COL23A1: variants seen among roughly 807,000 people sequenced by gnomAD.
COL23A1 encodes collagen type XXIII alpha 1 chain.
In COL23A1, 97 loss-of-function variants were observed where a neutral mutation model predicts 99.3. The observed-to-expected ratio is 0.98, with a 90% CI of 0.83 to 1.16. The LOEUF is 1.16. Ranked by LOEUF, COL23A1 falls within the 50% of genes most tolerant of loss-of-function variation. The pLI, the probability that COL23A1 is intolerant of heterozygous loss-of-function variation, is 0.00. For missense variants in COL23A1, 762 were observed against 757.4 expected, an observed-to-expected ratio of 1.01 and a Z score of -0.07; for synonymous variants, 320 against 308.2, an observed-to-expected ratio of 1.04 and a Z score of -0.40.
chr5:178,420,481 G>T (rs970534795), intron 2 of COL23A1, among the ~76,000 whole-genome samples: 1 of 48,710 alleles, frequency 2.1e-5, no homozygotes, highest in Non-Finnish European at 3.6e-5. Context: ...CCCCTCCCCC[G>T]CTCTTTCCTC....
intron 2 of COL23A1, among the ~76,000 whole-genome samples, chr5:178,355,627 G>A (rs1195755829): frequency 6.6e-6 from 1 of 152,120 alleles, no homozygotes; most frequent in Admixed American, 6.5e-5. Flanking sequence ...CCGCCTCCTG[G>A]GTTCAAACAA....
intron 12 of COL23A1, 89 bp downstream of exon 12, chr5:178,259,632 T>C (rs1030118829): frequency 2.7e-4 from 133 of 501,176 alleles, no homozygotes; most frequent in East Asian, 4.0e-4. Flanking sequence ...CCCGTCCCCA[T>C]CCCCATCCCC....
chr5:178,496,928 C>T (rs576794727), intron 2 of COL23A1, among the ~76,000 whole-genome samples: 6 of 152,140 alleles, frequency 3.9e-5, no homozygotes, highest in African/African-American at 7.2e-5. Flanking sequence ...AACATGGGAG[C>T]GTGAGACCTG....
At chr5:178,267,355 A>G in intron 7 of COL23A1, 22 bp from the exon 8 acceptor site, 1 of 1,613,110 alleles carries the variant, frequency 6.2e-7, no homozygotes, top group Non-Finnish European at 8.5e-7. Flanking sequence ...AGACAGGGAG[A>G]GGCATCACCA....
chr5:178,435,724 G>A (rs934505719), intron 2 of COL23A1, among the ~76,000 whole-genome samples: 7 of 152,178 alleles, frequency 4.6e-5, no homozygotes, highest in Non-Finnish European at 8.8e-5. Context: ...TTTTGAAGCC[G>A]CAATTGCATG....
intron 2 of COL23A1, among the ~76,000 whole-genome samples, chr5:178,552,886 G>A (rs1395198722): frequency 6.6e-6 from 1 of 150,964 alleles, no homozygotes; most frequent in Non-Finnish European, 1.5e-5. Flanking sequence ...GCTAATTTTT[G>A]TATTTTTAGT....
chr5:178,490,602 G>C (rs1406649468), intron 2 of COL23A1, among the ~76,000 whole-genome samples: 2 of 151,560 alleles, frequency 1.3e-5, no homozygotes, highest in Non-Finnish European at 2.9e-5. Flanking sequence ...GGGCAACATA[G>C]TGAAAAAAAA....
chr5:178,421,565 A>C (rs1417467287), intron 2 of COL23A1, among the ~76,000 whole-genome samples: 1 of 152,030 alleles, frequency 6.6e-6, no homozygotes, highest in Non-Finnish European at 1.5e-5. Flanking sequence ...ACAGAAATTC[A>C]CTCCATTAAC....
intron 2 of COL23A1, chr5:178,442,962 C>A (rs1448978201): frequency 1.3e-5 from 2 of 152,268 alleles, no homozygotes; most frequent in African/African-American, 2.4e-5. Flanking sequence ...CGGTTTCCAG[C>A]ACCCCAGGCG....
chr5:178,562,479 C>T (rs1762623618), intron 1 of COL23A1: 2 of 152,910 alleles, frequency 1.3e-5, no homozygotes, highest in African/African-American at 2.5e-5. Context: ...GGCGTGAAAC[C>T]AGCAGGCGGA....
intron 2 of COL23A1, among the ~76,000 whole-genome samples, chr5:178,549,213 C>G (rs1012697629): frequency 2.6e-5 from 4 of 151,774 alleles, no homozygotes; most frequent in Non-Finnish European, 4.4e-5. Context: ...AGGCTGGTCT[C>G]GAACTCCTGA....
At chr5:178,536,376 G>A (rs550798510) in intron 2 of COL23A1, among the ~76,000 whole-genome samples, 10 of 152,352 alleles carry the variant, frequency 6.6e-5, no homozygotes, top group African/African-American at 1.4e-4. Flanking sequence ...CCACATCACC[G>A]GGAAACTCTA....
chr5:178,477,443 C>T (rs956854510), intron 2 of COL23A1, among the ~76,000 whole-genome samples: 2 of 152,174 alleles, frequency 1.3e-5, no homozygotes, highest in Non-Finnish European at 2.9e-5. Flanking sequence ...TGTAACCCAG[C>T]AATCCATCTT....
At chr5:178,509,252 C>CA (rs1363597859) in intron 2 of COL23A1, among the ~76,000 whole-genome samples, 3 of 147,840 alleles carry the variant, frequency 2.0e-5, no homozygotes, top group African/African-American at 7.5e-5. Context: ...GACAGAGTCT[C>CA]ACTCTGTTGC....
At position 178,313,058 on chromosome 5, in the gene COL23A1, G is replaced by A. The variant is rs1429320114; in HGVS notation, c.362-6139C>T. On this transcript the variant is annotated intron_variant, in intron 2 of 28. Coordinates refer to ENST00000390654, the MANE Select transcript of COL23A1 (RefSeq NM_173465.4). This position sits in a 1 kb window ranked among gnomAD's most constrained non-coding sequence, Gnocchi z 4.2. ...CGCACGCTGCAGCATGATGGGCCTG[G>A]AGGACGTCACGCGATGGGAAGTAAG... Among the ~76,000 whole-genome samples, 1 of 152,208 alleles carries A rather than the reference G, an allele frequency of 6.6e-6. No individual in the cohort carries two copies. Among genetic ancestry groups the A allele is most frequent in the African/African-American group, 2.4e-5 (1 of 41,458 alleles).
intron 2 of COL23A1, among the ~76,000 whole-genome samples, chr5:178,494,859 G>C (rs1245707575): frequency 6.6e-6 from 1 of 152,142 alleles, no homozygotes; most frequent in Non-Finnish European, 1.5e-5. Context: ...ATCGAGGTGG[G>C]CCACAGGGAA....
chr5:178,474,494 C>T (rs755077373), intron 2 of COL23A1, among the ~76,000 whole-genome samples: 3 of 150,884 alleles, frequency 2.0e-5, no homozygotes, highest in Non-Finnish European at 2.9e-5. Flanking sequence ...CTTCCTAAAA[C>T]ACAGTATCTT....
intron 1 of COL23A1, among the ~76,000 whole-genome samples, chr5:178,578,466 ACAGT>A (rs1327028087): frequency 2.0e-5 from 3 of 152,246 alleles, no homozygotes; most frequent in Admixed American, 2.0e-4. Flanking sequence ...CAGTTAAAGC[ACAGT>A]CAAATCAATG....
At chr5:178,416,068 T>C (rs1400622122) in intron 2 of COL23A1, among the ~76,000 whole-genome samples, 2 of 152,136 alleles carry the variant, frequency 1.3e-5, no homozygotes, top group Non-Finnish European at 2.9e-5. Flanking sequence ...CCAGTGCCAT[T>C]CTCACTGAGT....
Sources: allele counts gnomAD v4.1 joint callset (sites outside exome capture counted in the v4.1 genomes callset), GRCh38; gene constraint gnomAD v4.1.1; non-coding constraint Gnocchi (gnomAD v3.1); transcripts MANE v1.5; gene names NCBI Gene and HGNC (gene_info 2026-07-23, HGNC 2026-07-21).